RAD51B: variants seen among roughly 807,000 people sequenced by gnomAD.
RAD51B encodes the protein DNA repair protein RAD51 homolog 2.
RAD51B carries 38 observed loss-of-function variants against 42.2 expected under a neutral mutation model. That is an observed-to-expected ratio of 0.90 (90% CI 0.70 to 1.18). RAD51B has a LOEUF of 1.18. RAD51B is among the 50% of genes most tolerant of loss of function. The pLI is 0.00. For synonymous variants in RAD51B, 154 were observed against 145.2 expected (o/e 1.06, Z -0.43); for missense variants, 373 against 400.7 (o/e 0.93, Z 0.59).
intron 9 of RAD51B, among the ~76,000 whole-genome samples, chr14:68,428,907 C>A (rs1354516374): frequency 2.0e-5 from 3 of 149,124 alleles, no homozygotes; most frequent in African/African-American, 7.4e-5. Context: ...CCTCCCCACT[C>A]CCCCCACCCC....
chr14:68,397,911 T>C (rs1206269846), intron 8 of RAD51B, among the ~76,000 whole-genome samples: 4 of 152,186 alleles, frequency 2.6e-5, no homozygotes, highest in African/African-American at 9.7e-5. Context: ...CCCCACCCCC[T>C]TCTCAGAGCC....
chr14:67,983,306 TAAAAAGGAA>T (rs968665819), intron 7 of RAD51B, among the ~76,000 whole-genome samples: 6 of 151,832 alleles, frequency 4.0e-5, no homozygotes, highest in Admixed American at 3.3e-4. Flanking sequence ...TCTCTTTATA[TAAAAAGGAA>T]AAAAAGGAAA....
At chr14:68,400,668 A>G (rs538244805) in intron 8 of RAD51B, among the ~76,000 whole-genome samples, 11 of 149,480 alleles carry the variant, frequency 7.4e-5, no homozygotes, top group African/African-American at 2.2e-4. Context: ...ACTGTGGGGG[A>G]AAAAAAACAT....
chr14:68,590,328 G>A (rs1489096567), intron 10 of RAD51B, among the ~76,000 whole-genome samples: 1 of 152,176 alleles, frequency 6.6e-6, no homozygotes. Flanking sequence ...CAAGTTGACA[G>A]CTGTTAAAAA....
At chr14:68,642,823 G>C (rs575075966) in intron 10 of RAD51B, among the ~76,000 whole-genome samples, 54 of 152,280 alleles carry the variant, frequency 3.5e-4, no homozygotes, top group African/African-American at 1.3e-3. Flanking sequence ...TTAAATCCAA[G>C]TATTTTTAAA....
intron 7 of RAD51B, among the ~76,000 whole-genome samples, chr14:68,056,531 C>T (rs577752314): frequency 3.6e-4 from 54 of 151,932 alleles, no homozygotes; most frequent in Non-Finnish European, 6.3e-4. Context: ...GGCGGATTGC[C>T]TGAGCTCAGG....
chr14:67,949,003 C>G (rs2074391663), intron 7 of RAD51B, among the ~76,000 whole-genome samples: 1 of 141,540 alleles, frequency 7.1e-6, no homozygotes, highest in Non-Finnish European at 1.5e-5. Flanking sequence ...GCTAAAAATG[C>G]TAGTGATCAT....
At position 68,574,727 on chromosome 14, in the gene RAD51B, C is replaced by G. The variant is rs892236981; in HGVS notation, c.1037-19758C>G. On this transcript the variant is annotated intron_variant, in intron 10 of 10. Coordinates refer to the RAD51B transcript ENST00000487270. ...AGTAGCAGGTTCTGGGCATGTGTCC[C>G]CATCACCCTTCTCCAACAGAAAATA... 2.6e-5 allele frequency among the ~76,000 whole-genome samples: 4 copies of G among 152,216 alleles called. No homozygotes were observed. In the South Asian group the frequency reaches 8.3e-4, roughly 32 times the overall value.
At chr14:68,123,473 T>C (rs2077693589) in intron 7 of RAD51B, among the ~76,000 whole-genome samples, 1 of 152,120 alleles carries the variant, frequency 6.6e-6, no homozygotes, top group South Asian at 2.1e-4. Context: ...ATCGCAGGCA[T>C]GAGCTACCAT....
intron 10 of RAD51B, among the ~76,000 whole-genome samples, chr14:68,520,212 G>A (rs1886477194): frequency 6.6e-6 from 1 of 152,170 alleles, no homozygotes; most frequent in Non-Finnish European, 1.5e-5. Flanking sequence ...TGGGCAACTG[G>A]GGTAGTGACA....
chr14:67,947,442 G>C (rs550861509), intron 7 of RAD51B, among the ~76,000 whole-genome samples: 10 of 152,250 alleles, frequency 6.6e-5, no homozygotes, highest in African/African-American at 2.4e-4. Flanking sequence ...GACTGTGTTC[G>C]GTTTACCTTG....
intron 4 of RAD51B, among the ~76,000 whole-genome samples, chr14:67,841,880 CTTT>C (rs1371698992): frequency 6.6e-6 from 1 of 152,160 alleles, no homozygotes; most frequent in African/African-American, 2.4e-5. Flanking sequence ...ATTCCCTTGG[CTTT>C]TCAGACTCTT....
chr14:67,835,842 C>A (rs2041224449), intron 4 of RAD51B, among the ~76,000 whole-genome samples: 1 of 151,654 alleles, frequency 6.6e-6, no homozygotes, highest in South Asian at 2.1e-4. Flanking sequence ...GGTGACAGAG[C>A]AAGACCCTGT....
chr14:68,534,649 G>A (rs1314488309), intron 10 of RAD51B, among the ~76,000 whole-genome samples: 1 of 152,190 alleles, frequency 6.6e-6, no homozygotes, highest in African/African-American at 2.4e-5. Context: ...AGAAGATAAA[G>A]ATTTAGAGGA....
intron 7 of RAD51B, among the ~76,000 whole-genome samples, chr14:68,066,661 C>A (rs1225968388): frequency 6.6e-6 from 1 of 152,144 alleles, no homozygotes; most frequent in African/African-American, 2.4e-5. Flanking sequence ...CTGGTATACA[C>A]CTATAGTCTC....
intron 10 of RAD51B, among the ~76,000 whole-genome samples, chr14:68,557,819 T>A (rs371743197): frequency 4.6e-5 from 7 of 152,230 alleles, no homozygotes; most frequent in African/African-American, 1.7e-4. Context: ...GACTGTTCTC[T>A]GCATTTCCTG....
intron 10 of RAD51B, among the ~76,000 whole-genome samples, chr14:68,581,596 G>C (rs1186336806): frequency 6.6e-6 from 1 of 152,132 alleles, no homozygotes; most frequent in Non-Finnish European, 1.5e-5. Flanking sequence ...GTAATTTGTA[G>C]ATTCAATGCT....
intron 8 of RAD51B, among the ~76,000 whole-genome samples, chr14:68,361,347 C>G (rs1374633014): frequency 6.6e-6 from 1 of 152,200 alleles, no homozygotes; most frequent in African/African-American, 2.4e-5. Flanking sequence ...CTCATTTCCA[C>G]CCTGTTTCAA....
At chr14:68,158,966 G>A (rs1218690932) in intron 7 of RAD51B, among the ~76,000 whole-genome samples, 1 of 152,048 alleles carries the variant, frequency 6.6e-6, no homozygotes, top group Non-Finnish European at 1.5e-5. Flanking sequence ...AGACACCAAA[G>A]TAAGTGTTAG....
Sources: gnomAD v4.1 joint callset for allele counts (sites outside exome capture counted in the v4.1 genomes callset) on GRCh38, gnomAD v4.1.1 for gene constraint, MANE v1.5 for transcripts, NCBI Gene and HGNC (gene_info 2026-07-23, HGNC 2026-07-21) for gene names.